SSBP3: variants seen among roughly 807,000 people sequenced by gnomAD.
SSBP3 encodes the protein single-stranded DNA-binding protein 3.
A neutral mutation model predicts 69.6 loss-of-function variants in SSBP3; 5 were observed. The ratio of observed to expected loss-of-function variants is 0.07; its 90% CI spans 0.04 to 0.15. The LOEUF is 0.15. SSBP3 is among the 10% of genes least tolerant of loss of function. The probability of loss-of-function intolerance (pLI) is 1.00; values close to 1 mark genes in which losing one functional copy is unlikely to be tolerated. For synonymous variants in SSBP3, 196 were observed against 193.4 expected (o/e 1.01, Z -0.11); for missense variants, 312 against 534.0 (o/e 0.58, Z 4.10).
rs180792297 is a variant in SSBP3 at position 54,316,796 on chromosome 1, A to G, written c.277-35269T>C. On this transcript the variant is annotated intron_variant, in intron 4 of 17. Transcript: ENST00000610401. Reference sequence around the variant, plus strand: ...TTCGCGTGGGTACTTTATAAATAATAGAAATGTATTGCTCACAGTTCCAGA... The same window carrying G: ...TTCGCGTGGGTACTTTATAAATAATGGAAATGTATTGCTCACAGTTCCAGA... Among the ~76,000 whole-genome samples, 752 of 152,298 alleles carry G rather than the reference A, an allele frequency of 4.9e-3. 5 individuals carry two copies. The highest frequency in any genetic ancestry group is 7.4e-3 in the Non-Finnish European group (506 of 68,036).
intron 4 of SSBP3, among the ~76,000 whole-genome samples, chr1:54,352,689 G>A (rs1480777843): frequency 2.0e-5 from 3 of 152,212 alleles, no homozygotes; most frequent in Admixed American, 6.5e-5. Context: ...TTGACCATGC[G>A]AGCATCTAGC....
intron 4 of SSBP3, among the ~76,000 whole-genome samples, chr1:54,287,721 G>A (rs935520184): frequency 1.3e-5 from 2 of 152,028 alleles, no homozygotes; most frequent in Admixed American, 1.3e-4. Context: ...AATCAGGAAT[G>A]GAAGCGACCG....
chr1:54,252,559 G>A (rs1039175301), intron 7 of SSBP3, among the ~76,000 whole-genome samples: 2 of 151,526 alleles, frequency 1.3e-5, no homozygotes, highest in Admixed American at 1.3e-4. Flanking sequence ...TGGCCACTAG[G>A]AGAGGGGCAG....
intron 4 of SSBP3, among the ~76,000 whole-genome samples, chr1:54,398,596 C>A (rs753974474): frequency 1.3e-5 from 2 of 152,162 alleles, no homozygotes; most frequent in Non-Finnish European, 2.9e-5. Flanking sequence ...ACCCAGACAA[C>A]AGTGTCTAAG....
rs552624886 is a variant in SSBP3, at chr1:54,278,619, C to A, written c.366+2819G>T. On this transcript the variant is annotated intron_variant, in intron 5 of 17. Coordinates refer to ENST00000610401, the Ensembl canonical transcript of SSBP3. Reference sequence around the variant, plus strand: ...TGGGCAGCTGCTCTCTCCCACCCAACCCTGGAGGCCTGGGGCTTCTACATT... The same window carrying A: ...TGGGCAGCTGCTCTCTCCCACCCAAACCTGGAGGCCTGGGGCTTCTACATT... Among the ~76,000 whole-genome samples the A allele has an allele frequency of 4.6e-5, 7 of 152,316 alleles. No individual in the cohort carries two copies. In the South Asian group the frequency reaches 1.4e-3, roughly 32 times the overall value.
At position 54,361,083 on chromosome 1, in the gene SSBP3, C is replaced by T. The variant is rs1646945064; in HGVS notation, c.276+40778G>A. Among the ~76,000 whole-genome samples the T allele has an allele frequency of 2.0e-5, 3 of 151,948 alleles. No homozygotes were observed. In the South Asian group the frequency reaches 6.2e-4, roughly 31 times the overall value. ...CCAGCCTGGGAAACAAAATGAGACCCTGTCTCAAAAAAAAGAACTAACTAA... is the reference window on the plus strand; with the variant it reads ...CCAGCCTGGGAAACAAAATGAGACCTTGTCTCAAAAAAAAGAACTAACTAA... On this transcript the variant is annotated intron_variant, in intron 4 of 17. Coordinates refer to ENST00000610401, the Ensembl canonical transcript of SSBP3.
exon 18 of SSBP3, chr1:54,225,704 C>A: frequency 5.3e-6 from 1 of 187,292 alleles, no homozygotes; most frequent in Non-Finnish European, 1.1e-5. Context: ...AAGGGCATGT[C>A]AATGTACAAA....
chr1:54,341,380 G>T (rs574073504), intron 4 of SSBP3, among the ~76,000 whole-genome samples: 8 of 152,152 alleles, frequency 5.3e-5, no homozygotes, highest in Non-Finnish European at 1.2e-4. Flanking sequence ...TGACCTCACA[G>T]TGGGCCCATA....
chr1:54,275,355 T>C (rs1645265982), intron 5 of SSBP3, among the ~76,000 whole-genome samples: 1 of 152,122 alleles, frequency 6.6e-6, no homozygotes, highest in Admixed American at 6.5e-5. Flanking sequence ...AACAAGGTGG[T>C]TTAATTCTTC....
At chr1:54,395,666 T>C (rs1648812471) in intron 4 of SSBP3, among the ~76,000 whole-genome samples, 1 of 152,072 alleles carries the variant, frequency 6.6e-6, no homozygotes. Context: ...TGCAAAGGAA[T>C]CAGCATTCCC....
chr1:54,403,522 C>T (rs749878768), intron 3 of SSBP3, among the ~76,000 whole-genome samples: 3 of 152,182 alleles, frequency 2.0e-5, no homozygotes, highest in South Asian at 2.1e-4. Context: ...CCTTCCGCCA[C>T]ACAAATGCCT....
chr1:54,388,180 A>G (rs1164851160), intron 4 of SSBP3, among the ~76,000 whole-genome samples: 1 of 151,984 alleles, frequency 6.6e-6, no homozygotes, highest in African/African-American at 2.4e-5. Flanking sequence ...AAATGATCCA[A>G]TTCTTTCAAA....
intron 9 of SSBP3, among the ~76,000 whole-genome samples, chr1:54,246,884 G>A (rs1351280247): frequency 6.6e-6 from 1 of 152,266 alleles, no homozygotes; most frequent in African/African-American, 2.4e-5. Context: ...CAGTAGAAAC[G>A]GGTTCCCTCT....
intron 4 of SSBP3, chr1:54,285,428 GAC>G (rs371215473): frequency 3.4e-4 from 52 of 152,052 alleles, no homozygotes; most frequent in African/African-American, 1.2e-3. Flanking sequence ...CTGTCTCTGA[GAC>G]CCAGCACAAC....
rs983276708 is a variant in SSBP3 at position 54,406,026 on chromosome 1, G to A, written c.-18C>T. ...GCAAACATGGTTTGCAGGGAAGAGG[G>A]CGCCGAGCCTCGCCGCCGCCGCCGC... On this transcript the variant is annotated 5_prime_UTR_variant, in exon 1 of 18. Coordinates refer to ENST00000610401, the Ensembl canonical transcript of SSBP3. The A allele has an allele frequency of 2.2e-4, 312 of 1,451,148 alleles. 2 individuals carry two copies. Among genetic ancestry groups the A allele is most frequent in the Non-Finnish European group, 2.7e-4 (301 of 1,095,756 alleles). 89.9% of individuals were successfully genotyped at this position (1,451,148 alleles called of 1,614,324 possible). A position where few individuals can be genotyped will look rare whatever the true frequency, so the allele number is the denominator to read the frequency against.
chr1:54,386,683 CTTTTTTTTTTTTTTTTT>C lies in SSBP3; in HGVS notation c.276+15161_276+15177del, dbSNP rs58429798. On this transcript the variant is annotated intron_variant, in intron 4 of 17. Coordinates refer to ENST00000610401, the Ensembl canonical transcript of SSBP3. ...ATCCACAATGTATAAACTGATCCTA[CTTTTTTTTTTTTTTTTT>C]TTTTAAGAGATGGAGTTTCACTATG... Among the ~76,000 whole-genome samples the C allele has an allele frequency of 3.9e-5, 3 of 76,100 alleles. No individual in the cohort carries two copies. The Admixed American group carries it at 4.8e-4, about 12-fold the overall frequency. 49.9% of individuals were successfully genotyped at this position (76,100 alleles called of 152,430 possible).
At chr1:54,323,813 G>T (rs1031721941) in intron 4 of SSBP3, among the ~76,000 whole-genome samples, 1 of 152,144 alleles carries the variant, frequency 6.6e-6, no homozygotes, top group African/African-American at 2.4e-5. Flanking sequence ...ACTGGGTTGT[G>T]GTAGAGGGAG....
intron 9 of SSBP3, 82 bp from the exon 10 acceptor site, chr1:54,243,381 A>T: frequency 6.8e-7 from 1 of 1,477,192 alleles, no homozygotes; most frequent in Non-Finnish European, 9.5e-7. Flanking sequence ...CAGACAAAAC[A>T]TAGTGAGAGG....
At chr1:54,404,344 C>T (rs1403353071) in intron 3 of SSBP3, among the ~76,000 whole-genome samples, 3 of 152,206 alleles carry the variant, frequency 2.0e-5, no homozygotes, top group Non-Finnish European at 4.4e-5. Flanking sequence ...GGAGTTTCTA[C>T]CCCAACACCA....
Sources: gnomAD v4.1 joint callset for allele counts (sites outside exome capture counted in the v4.1 genomes callset) on GRCh38, gnomAD v4.1.1 for gene constraint, MANE v1.5 for transcripts, NCBI Gene and HGNC (gene_info 2026-07-23, HGNC 2026-07-21) for gene names.